Variants in TXNRD1 observed in about 807,000 individuals in gnomAD.
TXNRD1 encodes thioredoxin reductase 1, cytoplasmic.
A neutral mutation model predicts 80.3 loss-of-function variants in TXNRD1; 57 were observed. The observed-to-expected ratio is 0.71, with a 90% confidence interval of 0.57 to 0.89. The LOEUF is 0.89. Ranked by LOEUF, TXNRD1 falls within the 40% of genes least tolerant of loss-of-function variation. The probability of loss-of-function intolerance (pLI) is 0.00; values close to 1 mark genes in which losing one functional copy is unlikely to be tolerated. For synonymous variants in TXNRD1, 291 were observed against 285.2 expected (o/e 1.02, Z -0.20); for missense variants, 730 against 803.0 (o/e 0.91, Z 1.10).
rs550450170 is a variant in TXNRD1, at chr12:104,345,978, A to C, written c.1882-2375A>C. On this transcript the variant is annotated intron_variant, in intron 16 of 16. Coordinates refer to ENST00000525566, the MANE Select transcript of TXNRD1 (RefSeq NM_001093771.3). Reference sequence around the variant, plus strand: ...TACATGTTTTTATAAAAATTCTAAAACAGTTGTGTACGAATGAAATCTGTC... The same window carrying C: ...TACATGTTTTTATAAAAATTCTAAACCAGTTGTGTACGAATGAAATCTGTC... 6.2e-4 allele frequency: 793 copies of C among 1,288,810 alleles called. 8 individuals are homozygous for C. In the Middle Eastern group the frequency reaches 0.018, roughly 30 times the overall value. The allele number at this position is 1,288,810 out of a possible 1,614,324, so 79.8% of individuals were successfully genotyped here. A position where few individuals can be genotyped will look rare whatever the true frequency, so the allele number is the denominator to read the frequency against.
intron 7 of TXNRD1, among the ~76,000 whole-genome samples, chr12:104,316,736 A>G (rs1565898507): frequency 6.6e-6 from 1 of 152,238 alleles, no homozygotes; most frequent in Non-Finnish European, 1.5e-5. Flanking sequence ...TAGAAGAATA[A>G]AATGAGATCT....
chr12:104,216,194 C>A (rs1405470041), intron 1 of TXNRD1, among the ~76,000 whole-genome samples: 1 of 152,274 alleles, frequency 6.6e-6, no homozygotes. Flanking sequence ...GAACCGAGAT[C>A]TCGGCAGCGA....
chr12:104,218,730 A>T (rs1261776592), intron 1 of TXNRD1, among the ~76,000 whole-genome samples: 1 of 149,764 alleles, frequency 6.7e-6, no homozygotes, highest in Non-Finnish European at 1.5e-5. Flanking sequence ...CAATCCTCCC[A>T]CCTCAGCCTC....
chr12:104,285,493 C>G (rs1182338537), intron 3 of TXNRD1, among the ~76,000 whole-genome samples: 1 of 152,100 alleles, frequency 6.6e-6, no homozygotes, highest in East Asian at 1.9e-4. Context: ...TTTGGAATGC[C>G]GTTAGAAAAT....
chr12:104,278,354 C>G (rs11111975), intron 3 of TXNRD1, among the ~76,000 whole-genome samples: 12,315 of 151,250 alleles, frequency 0.081, 754 homozygotes, highest in African/African-American at 0.18. Flanking sequence ...GCGCCCACCC[C>G]CAAGCCTGGC....
At chr12:104,286,656 G>A (rs1324030855) in intron 3 of TXNRD1, 20 of 905,346 alleles carry the variant, frequency 2.2e-5, no homozygotes, top group Non-Finnish European at 2.5e-5. Flanking sequence ...ATGTCTAGGG[G>A]TGGGAGCCAG....
At chr12:104,271,550 G>A (rs565743224) in intron 3 of TXNRD1, among the ~76,000 whole-genome samples, 175 of 152,250 alleles carry the variant, frequency 1.1e-3, no homozygotes, top group Non-Finnish European at 2.0e-3. Flanking sequence ...GCAGGGGATG[G>A]ATCTCACAAA....
At chr12:104,303,006 AC>A (rs551420589) in intron 4 of TXNRD1, among the ~76,000 whole-genome samples, 93 of 152,114 alleles carry the variant, frequency 6.1e-4, no homozygotes, top group African/African-American at 2.2e-3. Context: ...CAGAGTTACT[AC>A]CCATTCAGTG....
chr12:104,337,230 G>C (rs2036168865), intron 15 of TXNRD1, among the ~76,000 whole-genome samples: 1 of 151,790 alleles, frequency 6.6e-6, no homozygotes, highest in Admixed American at 6.6e-5. Context: ...CATAAACCCG[G>C]AATCGTCAGG....
At chr12:104,345,229 A>C (rs1228505041) in intron 16 of TXNRD1, among the ~76,000 whole-genome samples, 1 of 152,184 alleles carries the variant, frequency 6.6e-6, no homozygotes, top group African/African-American at 2.4e-5. Flanking sequence ...GAATTTCACA[A>C]GTGTTAGTCC....
At chr12:104,310,113 C>CT (rs929125371) in intron 4 of TXNRD1, 28 of 1,484,790 alleles carry the variant, frequency 1.9e-5, no homozygotes, top group Middle Eastern at 1.8e-4. Context: ...AGTTTGGGGG[C>CT]TTTTTTTTGT....
At chr12:104,307,807 G>A (rs1347694256) in intron 4 of TXNRD1, among the ~76,000 whole-genome samples, 26 of 152,170 alleles carry the variant, frequency 1.7e-4, no homozygotes, top group Admixed American at 1.6e-3. Flanking sequence ...TCTGGGGAAA[G>A]GGATTACTAT....
At chr12:104,241,032 C>A (rs150233521) in intron 1 of TXNRD1, among the ~76,000 whole-genome samples, 1 of 147,474 alleles carries the variant, frequency 6.8e-6, no homozygotes, top group African/African-American at 2.5e-5. Flanking sequence ...TGAGTCACTG[C>A]GCCCAGTTTT....
At chr12:104,243,500 G>A (rs757453468) in intron 1 of TXNRD1, among the ~76,000 whole-genome samples, 5 of 152,182 alleles carry the variant, frequency 3.3e-5, no homozygotes, top group Non-Finnish European at 7.3e-5. Flanking sequence ...TGTGTGTCTT[G>A]TGGGTTGAAT....
rs1312786319 is a variant in TXNRD1, at chr12:104,348,519, G to A, written c.*98G>A. ...TTTCTAGAGGGTTCTTGGGCTCTTG[G>A]CACCTGCGTGTCCTGTGCTTACCAC... On this transcript the variant is annotated 3_prime_UTR_variant, in exon 17 of 17. Coordinates refer to ENST00000525566, the MANE Select transcript of TXNRD1 (RefSeq NM_001093771.3). The A allele has an allele frequency of 5.1e-6, 6 of 1,171,460 alleles. No individual in the cohort carries two copies. The highest frequency in any genetic ancestry group is 3.5e-5 in the Admixed American group (2 of 57,336). 72.6% of individuals were successfully genotyped at this position (1,171,460 alleles called of 1,614,324 possible).
In TXNRD1 at chr12:104,290,720, C is replaced by CATATATATATATAT. The variant is rs58669975; in HGVS notation, c.414+1705_414+1718dup. ...TCAAAAAAAAAAAAAAAGAAATATA[C>CATATATATATATAT]ATATATATATATATATATATATATA... On this transcript the variant is annotated intron_variant, in intron 4 of 16. Coordinates refer to ENST00000525566, the MANE Select transcript of TXNRD1 (RefSeq NM_001093771.3). Among the ~76,000 whole-genome samples the CATATATATATATAT allele has an allele frequency of 5.7e-3, 316 of 55,814 alleles. 15 individuals are homozygous for CATATATATATATAT. Among genetic ancestry groups the CATATATATATATAT allele is most frequent in the Non-Finnish European group, 8.6e-3 (251 of 29,330 alleles). 36.6% of individuals were successfully genotyped at this position (55,814 alleles called of 152,430 possible).
intron 4 of TXNRD1, among the ~76,000 whole-genome samples, chr12:104,291,480 C>CT (rs1161549363): frequency 0.051 from 5,031 of 98,384 alleles, 304 homozygotes; most frequent in Non-Finnish European, 0.069. Flanking sequence ...CCGCACCCAG[C>CT]TTTTTTTTTT....
chr12:104,249,771 T>TA (rs769304777), intron 1 of TXNRD1, among the ~76,000 whole-genome samples: 1 of 151,538 alleles, frequency 6.6e-6, no homozygotes, highest in Non-Finnish European at 1.5e-5. Context: ...CCGTCTCTAC[T>TA]AAAAATACAA....
rs1198832083 is a variant in TXNRD1, at chr12:104,323,301, T to G, written c.1215+1985T>G. ...AGCCGCCATTGTCATCCTGGCCCGT[T>G]CTCAATGAGCTGTTGGGCACACCTC... On this transcript the variant is annotated intron_variant, in intron 10 of 16. Coordinates refer to ENST00000525566, the MANE Select transcript of TXNRD1 (RefSeq NM_001093771.3). 2.0e-5 allele frequency among the ~76,000 whole-genome samples: 3 copies of G among 150,408 alleles called. No individual in the cohort carries two copies. The East Asian group carries it at 6.0e-4, about 30-fold the overall frequency.
Sources: allele counts gnomAD v4.1 joint callset (sites outside exome capture counted in the v4.1 genomes callset), GRCh38; gene constraint gnomAD v4.1.1; transcripts MANE v1.5; gene names NCBI Gene and HGNC (gene_info 2026-07-23, HGNC 2026-07-21).